The following ADGRV1 variants were observed in gnomAD, a reference collection of about 807,000 sequenced individuals.
ADGRV1 encodes adhesion G protein-coupled receptor V1.
In ADGRV1, 359 loss-of-function variants were observed where a neutral mutation model predicts 596.2. The ratio of observed to expected loss-of-function variants is 0.60; its 90% CI spans 0.55 to 0.66. The LOEUF (loss-of-function observed/expected upper bound fraction) is 0.66, where lower values mean the gene tolerates loss of function less well. Ranked by LOEUF, ADGRV1 falls within the 30% of genes least tolerant of loss-of-function variation. The pLI is 0.00. For missense variants in ADGRV1, 7,274 were observed against 7,575.6 expected (o/e 0.96, Z 1.48); for synonymous variants, 2,681 against 2,679.2 (o/e 1.00, Z -0.02).
rs1215292208 is a variant in ADGRV1 at position 90,763,373 on chromosome 5, C to T, written c.12189C>T (p.Ser4063=). The change falls in exon 59 of 90, where the codon TCC becomes TCT. Residue 4063 remains serine (S), a synonymous_variant. Coordinates refer to ENST00000405460, the MANE Select transcript of ADGRV1 (RefSeq NM_032119.4). ...DSYVTLTVVR[S]PGGKGTVRLE... ...ATGTGACATTGACGGTTGTCCGGTC[C>T]CCAGGAGGAAAAGGAACCGTCCGAC... 3.1e-6 allele frequency: 5 copies of T among 1,612,546 alleles called. No individual in the cohort carries two copies. Among genetic ancestry groups the T allele is most frequent in the Non-Finnish European group, 4.2e-6 (5 of 1,179,132 alleles).
chr5:90,685,672 G>C (rs986788742), intron 28 of ADGRV1, 108 bp from the exon 29 acceptor site: 2 of 479,746 alleles, frequency 4.2e-6, no homozygotes, highest in Non-Finnish European at 7.2e-6. Context: ...CCCCAAATGA[G>C]AATCCTATTT....
chr5:90,633,843 G>A lies in ADGRV1; in HGVS notation c.1840-1271G>A, dbSNP rs145415014. On this transcript the variant is annotated intron_variant, in intron 9 of 89. Coordinates refer to ENST00000405460, the MANE Select transcript of ADGRV1 (RefSeq NM_032119.4). The stretch of plus-strand genomic sequence containing the variant: ...ATTTACCAAAACCAAAATTATTCAT[G>A]TCTTTCTCCTGTATATGATTTTTTA... Among the ~76,000 whole-genome samples the A allele has an allele frequency of 3.9e-5, 6 of 152,006 alleles. No homozygotes were observed. In the East Asian group the frequency reaches 5.8e-4, roughly 15 times the overall value.
At chr5:91,050,763 G>T (rs773847747) in intron 85 of ADGRV1, among the ~76,000 whole-genome samples, 1 of 152,202 alleles carries the variant, frequency 6.6e-6, no homozygotes, top group Non-Finnish European at 1.5e-5. Context: ...AGGAGCTGAG[G>T]TGGGAGGATT....
At chr5:90,749,866 AAAGT>A (rs1210480727) in intron 52 of ADGRV1, among the ~76,000 whole-genome samples, 15 of 152,320 alleles carry the variant, frequency 9.8e-5, no homozygotes, top group African/African-American at 2.6e-4. Flanking sequence ...AAGAAGAAAG[AAAGT>A]AAGTAATTCT....
In ADGRV1 at chr5:90,828,654, T is replaced by C. The variant is rs114435598; in HGVS notation, c.16369-290T>C. Among the ~76,000 whole-genome samples the C allele has an allele frequency of 2.4e-3, 359 of 152,296 alleles. 4 individuals are homozygous for C. Among genetic ancestry groups the C allele is most frequent in the African/African-American group, 8.4e-3 (350 of 41,570 alleles). ...TATAGTGTTTTGTGGTATGAATACA[T>C]TTAATTTATTTTTTTGCTGATCGTA... On this transcript the variant is annotated intron_variant, in intron 76 of 89. Coordinates refer to ENST00000405460, the MANE Select transcript of ADGRV1 (RefSeq NM_032119.4).
At chr5:90,988,977 T>G (rs1225394662) in intron 85 of ADGRV1, among the ~76,000 whole-genome samples, 1 of 152,050 alleles carries the variant, frequency 6.6e-6, no homozygotes, top group Non-Finnish European at 1.5e-5. Flanking sequence ...AACTCATCAT[T>G]TTTTATGGCT....
intron 77 of ADGRV1, among the ~76,000 whole-genome samples, chr5:90,835,644 C>A (rs73179336): frequency 3.3e-5 from 5 of 152,102 alleles, no homozygotes; most frequent in Non-Finnish European, 5.9e-5. Flanking sequence ...CAAAAGCAAT[C>A]GGAATGACAG....
intron 85 of ADGRV1, among the ~76,000 whole-genome samples, chr5:91,060,393 TA>T (rs1372317467): frequency 2.6e-3 from 48 of 18,396 alleles, no homozygotes; most frequent in African/African-American, 7.2e-3. Flanking sequence ...TATATATATA[TA>T]TATATTTTTT....
At chr5:91,076,212 A>T (rs1194857828) in intron 86 of ADGRV1, among the ~76,000 whole-genome samples, 1 of 152,184 alleles carries the variant, frequency 6.6e-6, no homozygotes, top group African/African-American at 2.4e-5. Context: ...AGAAACTTTC[A>T]ATATTCTCCC....
chr5:91,123,065 G>A (rs1299149353), intron 87 of ADGRV1, among the ~76,000 whole-genome samples: 1 of 152,162 alleles, frequency 6.6e-6, no homozygotes, highest in Non-Finnish European at 1.5e-5. Context: ...TCAAATCCTG[G>A]CTCTGCTACT....
intron 83 of ADGRV1, among the ~76,000 whole-genome samples, chr5:90,959,936 A>T (rs35060258): frequency 6.6e-6 from 1 of 151,832 alleles, no homozygotes; most frequent in Non-Finnish European, 1.5e-5. Flanking sequence ...TCAGGAGATC[A>T]AGACCATCCT....
chr5:90,986,731 G>T (rs1434249417), intron 85 of ADGRV1, among the ~76,000 whole-genome samples: 3 of 152,060 alleles, frequency 2.0e-5, no homozygotes, highest in Non-Finnish European at 4.4e-5. Flanking sequence ...AAAAAGGAAC[G>T]ATGGCATCTT....
chr5:91,054,634 C>A (rs1786673827), intron 85 of ADGRV1, among the ~76,000 whole-genome samples: 2 of 152,122 alleles, frequency 1.3e-5, no homozygotes, highest in East Asian at 1.9e-4. Flanking sequence ...TTTGCTATAA[C>A]CTCCCTTGTC....
At chr5:91,125,021 T>C (rs1793629942) in intron 87 of ADGRV1, among the ~76,000 whole-genome samples, 1 of 152,182 alleles carries the variant, frequency 6.6e-6, no homozygotes, top group African/African-American at 2.4e-5. Context: ...ACTTGGGGTT[T>C]CAGCAACTGT....
At chr5:90,689,756 T>A in intron 29 of ADGRV1, 105 bp from the exon 30 acceptor site, 1 of 718,924 alleles carries the variant, frequency 1.4e-6, no homozygotes, top group Non-Finnish European at 2.3e-6. Flanking sequence ...AAAAAGTATT[T>A]CCAAGTAGAT....
rs773597345 is a variant in ADGRV1, at chr5:90,725,669, T to C, written c.10161+13T>C. The C allele has an allele frequency of 8.0e-7, 1 of 1,247,350 alleles. No individual in the cohort carries two copies. Among genetic ancestry groups the C allele is most frequent in the Non-Finnish European group, 1.2e-6 (1 of 863,070 alleles). 77.3% of individuals were successfully genotyped at this position (1,247,350 alleles called of 1,614,324 possible). Reference sequence around the variant, plus strand: ...CGAATTAACTCAGGTTTGATTCTTTTAAAATGAAGTGGGTTTTTTTTTGCT... The same window carrying C: ...CGAATTAACTCAGGTTTGATTCTTTCAAAATGAAGTGGGTTTTTTTTTGCT... On this transcript the variant is annotated intron_variant, in intron 48 of 89. Transcript: ENST00000405460.
intron 59 of ADGRV1, among the ~76,000 whole-genome samples, chr5:90,764,924 T>C (rs114071900): frequency 0.018 from 2,690 of 152,210 alleles, 76 homozygotes; most frequent in African/African-American, 0.061. Context: ...TAGCCACTTA[T>C]AGCATTGTCT....
Position 90,774,228 on chromosome 5 carries a change from A to G in ADGRV1, c.12328A>G (p.Thr4110Ala). Residue 4110 changes from threonine to alanine, a missense_variant, in exon 60 of 90, where the codon ACA (threonine) becomes GCA (alanine). Thr to Ala is a moderately conservative substitution (Grantham distance 58, BLOSUM62 0). Coordinates refer to ENST00000405460, the MANE Select transcript of ADGRV1 (RefSeq NM_032119.4). ...CATTGTGTTGCACACACTTCAAGAC[A>G]CAGTGTTGGAGGAGGACAGGCGTTT... ...KTIVLHTLQDTVLEEDRRFTI... is the reference protein window; with the variant it reads ...KTIVLHTLQDAVLEEDRRFTI... 6.2e-7 allele frequency: 1 copy of G among 1,611,228 alleles called. No individual in the cohort carries two copies. The highest frequency in any genetic ancestry group is 8.5e-7 in the Non-Finnish European group (1 of 1,177,588).
chr5:91,039,538 TG>T (rs1276765575), intron 85 of ADGRV1, among the ~76,000 whole-genome samples: 1 of 152,224 alleles, frequency 6.6e-6, no homozygotes, highest in African/African-American at 2.4e-5. Context: ...TATTTGGTTC[TG>T]GTTCTAATCT....
Sources: allele counts gnomAD v4.1 joint callset (sites outside exome capture counted in the v4.1 genomes callset), GRCh38; gene constraint gnomAD v4.1.1; transcripts MANE v1.5; gene names NCBI Gene and HGNC (gene_info 2026-07-23, HGNC 2026-07-21).